HERC1: variants seen among roughly 807,000 people sequenced by gnomAD.
HERC1 encodes HECT and RLD domain containing E3 ubiquitin protein ligase family member 1.
Under a neutral mutation model 554.3 loss-of-function variants are expected in HERC1, and 160 were observed. The ratio of observed to expected loss-of-function variants is 0.29; its 90% confidence interval spans 0.25 to 0.33. The LOEUF (loss-of-function observed/expected upper bound fraction) is 0.33, where lower values mean the gene tolerates loss of function less well. Among genes scored for constraint, HERC1 ranks in the 10% least tolerant of loss-of-function variants. The pLI, the probability that HERC1 is intolerant of heterozygous loss-of-function variation, is 1.00. For missense variants in HERC1, 4,919 were observed against 5,918.5 expected, an observed-to-expected ratio of 0.83 and a Z score of 5.54; for synonymous variants, 2,175 against 2,131.7, an observed-to-expected ratio of 1.02 and a Z score of -0.56.
chr15:63,692,570 C>A lies in HERC1; in HGVS notation c.5675-4G>T. On this transcript the variant is annotated splice_polypyrimidine_tract_variant and splice_region_variant and intron_variant, in intron 30 of 77. Transcript: ENST00000443617. This position sits in a 1 kb window ranked among gnomAD's most constrained non-coding sequence, Gnocchi z 4.7. ...GCATGTTGTTTCCTAAGAGCAGCTA[C>A]AGTGAAGAGACAAGTTTACGTTACA... 6.3e-7 allele frequency: 1 copy of A among 1,599,278 alleles called. No homozygotes were observed. Among genetic ancestry groups the A allele is most frequent in the African/African-American group, 1.3e-5 (1 of 74,218 alleles).
At position 63,712,770 on chromosome 15, in the gene HERC1, C is replaced by G; in HGVS notation, c.4584+5G>C. ...TCTTTCTTTACTGAATCTGGGTATA[C>G]CTACCAGTGCGTAACCCTCTTCATC... On this transcript the variant is annotated splice_donor_5th_base_variant and intron_variant, in intron 24 of 77. Coordinates refer to ENST00000443617, the MANE Select transcript of HERC1 (RefSeq NM_003922.4). The G allele has an allele frequency of 6.2e-7, 1 of 1,613,034 alleles. No individual in the cohort carries two copies. Among genetic ancestry groups the G allele is most frequent in the South Asian group, 1.1e-5 (1 of 90,894 alleles).
chr15:63,811,035 AAG>A (rs751431404), intron 1 of HERC1, among the ~76,000 whole-genome samples: 1 of 152,236 alleles, frequency 6.6e-6, no homozygotes, highest in Non-Finnish European at 1.5e-5. Context: ...GGGAAAAAAA[AAG>A]GCTGGGGTTT....
At position 63,686,398 on chromosome 15, in the gene HERC1, C is replaced by T. The variant is rs375922313; in HGVS notation, c.6186G>A (p.Leu2062=). Residue 2062 remains leucine, a synonymous_variant, in exon 34 of 78, where the codon TTG becomes TTA. Transcript: ENST00000443617. ...THGSGGKGYG[L]ASTGVTSGCY... ...ACCCAGAAGTTACTCCTGTAGATGC[C>T]AATCCATATCCTTTCCCTCCACTGC... 5.0e-6 allele frequency: 8 copies of T among 1,613,196 alleles called. No individual in the cohort carries two copies. Among genetic ancestry groups the T allele is most frequent in the Non-Finnish European group, 6.8e-6 (8 of 1,179,642 alleles).
Position 63,709,545 on chromosome 15 carries a change from G to A in HERC1, c.4585-2714C>T, listed in dbSNP as rs1430125451. 7.9e-5 allele frequency among the ~76,000 whole-genome samples: 12 copies of A among 152,100 alleles called. No individual in the cohort carries two copies. In the East Asian group the frequency reaches 2.3e-3, roughly 29 times the overall value. ...CATTATTCTCCACTTCAAAGATAAA[G>A]AAACTGGAGCTCAGGAAGGTTAAAT... On this transcript the variant is annotated intron_variant, in intron 24 of 77. Transcript: ENST00000443617.
chr15:63,647,220 C>T (rs992017531), intron 55 of HERC1, among the ~76,000 whole-genome samples: 5 of 151,706 alleles, frequency 3.3e-5, no homozygotes, highest in Non-Finnish European at 4.4e-5. Flanking sequence ...CGCCACTGCA[C>T]TCCAGCCTGG....
At chr15:63,731,031 C>A (rs1014498185) in intron 14 of HERC1, among the ~76,000 whole-genome samples, 2 of 152,138 alleles carry the variant, frequency 1.3e-5, no homozygotes, top group African/African-American at 4.8e-5. Context: ...TATTGTACTG[C>A]ATATTCTATT....
intron 1 of HERC1, among the ~76,000 whole-genome samples, chr15:63,818,028 A>G (rs1372765634): frequency 6.6e-6 from 1 of 152,170 alleles, no homozygotes; most frequent in Non-Finnish European, 1.5e-5. Context: ...GAATACCATA[A>G]GGAATCATTT....
Position 63,673,909 on chromosome 15 carries a change from G to C in HERC1, c.7846+433C>G, listed in dbSNP as rs544277250. On this transcript the variant is annotated intron_variant, in intron 38 of 77. Transcript: ENST00000443617. ...CCGGTTAATTTTTGTATTTTTAGTA[G>C]AGACAGGGTTTCACCATGTTGGCCA... Among the ~76,000 whole-genome samples the C allele has an allele frequency of 2.6e-5, 4 of 152,282 alleles. No homozygotes were observed. In the South Asian group the frequency reaches 8.3e-4, roughly 32 times the overall value.
At position 63,690,647 on chromosome 15, in the gene HERC1, C is replaced by A. The variant is rs761222484; in HGVS notation, c.5831G>T (p.Gly1944Val). ...LNIASQKCSS[G>V]IPLVGNLRTR... is the part of the protein sequence containing the mutation. ...TCTTAAGTTACCAACCAGAGGGATA[C>A]CTGGAGGGGAAAAGACCTTTTCTTA... The change falls in exon 32 of 78, where the codon GGT becomes GTT. Residue 1944 changes from glycine to valine, a missense_variant and splice_region_variant. Around this residue, in one of 11 missense-constraint regions of HERC1, gnomAD observed 1,121 missense variants for 1,244.0 expected, o/e 0.90. Coordinates refer to ENST00000443617, the MANE Select transcript of HERC1 (RefSeq NM_003922.4). 6.4e-7 allele frequency: 1 copy of A among 1,560,688 alleles called. No individual in the cohort carries two copies. Among genetic ancestry groups the A allele is most frequent in the Non-Finnish European group, 8.8e-7 (1 of 1,136,648 alleles).
At chr15:63,693,332 CT>C (rs1411878653) in intron 30 of HERC1, among the ~76,000 whole-genome samples, 4 of 151,554 alleles carry the variant, frequency 2.6e-5, no homozygotes, top group South Asian at 4.2e-4. Flanking sequence ...CAATCTCCAC[CT>C]CCCGGGTTCA....
intron 33 of HERC1, among the ~76,000 whole-genome samples, chr15:63,689,379 C>G (rs913796754): frequency 2.6e-5 from 4 of 151,786 alleles, no homozygotes; most frequent in Non-Finnish European, 5.9e-5. Flanking sequence ...GAAGACTTCA[C>G]AGATAAAAAT....
intron 12 of HERC1, among the ~76,000 whole-genome samples, chr15:63,744,154 G>GTGTGTGTGTGTGTGTGTC (rs1567077976): frequency 1.7e-4 from 7 of 42,094 alleles, no homozygotes; most frequent in Non-Finnish European, 4.4e-4. Flanking sequence ...GTGTGTGTGT[G>GTGTGTGTGTGTGTGTGTC]TGTGTGTGTG....
At position 63,677,701 on chromosome 15, in the gene HERC1, TAGAAAC is replaced by T; in HGVS notation, c.7070+138_7070+143del. ...GAAATTCTCCTTTAAGAAATTACAGTAGAAACATCTAGCTGCATGAGAAATATTTTT... is the reference window on the plus strand; with the variant it reads ...GAAATTCTCCTTTAAGAAATTACAGTATCTAGCTGCATGAGAAATATTTTT... On this transcript the variant is annotated intron_variant, in intron 37 of 77. Coordinates refer to ENST00000443617, the MANE Select transcript of HERC1 (RefSeq NM_003922.4). This position sits in a 1 kb window ranked among gnomAD's most constrained non-coding sequence, Gnocchi z 4.4. The T allele has an allele frequency of 7.3e-7, 1 of 1,363,094 alleles. No homozygotes were observed. Among genetic ancestry groups the T allele is most frequent in the Non-Finnish European group, 9.8e-7 (1 of 1,017,580 alleles). The allele number at this position is 1,363,094 out of a possible 1,614,324, so 84.4% of individuals were successfully genotyped here.
chr15:63,760,853 G>C (rs2075587886), intron 3 of HERC1, among the ~76,000 whole-genome samples: 1 of 151,862 alleles, frequency 6.6e-6, no homozygotes, highest in Admixed American at 6.6e-5. Flanking sequence ...TATCAACCCA[G>C]AATGAATAAT....
chr15:63,666,973 G>A (rs1400843728), intron 40 of HERC1, among the ~76,000 whole-genome samples: 1 of 152,056 alleles, frequency 6.6e-6, no homozygotes, highest in African/African-American at 2.4e-5. Context: ...GCTTTTGGTC[G>A]GTGATTTCCC....
chr15:63,680,711 T>C lies in HERC1; in HGVS notation c.6291A>G (p.Val2097=). The change falls in exon 35 of 78, where the codon GTA becomes GTG. Residue 2097 remains valine (V), a synonymous_variant. Transcript: ENST00000443617. This position sits in a 1 kb window ranked among gnomAD's most constrained non-coding sequence, Gnocchi z 5.8. ...AGGTAGTGCGGTGATTAAAGTCATG[T>C]ACTGGCCAGCGAGAAACTCCAACAC... ...GTCVGVSRWP[V]HDFNHRTTSD... The C allele has an allele frequency of 6.2e-7, 1 of 1,613,606 alleles. No individual in the cohort carries two copies. The highest frequency in any genetic ancestry group is 8.5e-7 in the Non-Finnish European group (1 of 1,179,506).
chr15:63,831,874 G>C (rs1420908100), intron 1 of HERC1, among the ~76,000 whole-genome samples: 1 of 152,120 alleles, frequency 6.6e-6, no homozygotes, highest in Admixed American at 6.6e-5. Context: ...TCTCTTCCAT[G>C]CAACATCAGG....
At chr15:63,681,675 T>C (rs1350170519) in intron 34 of HERC1, among the ~76,000 whole-genome samples, 1 of 152,162 alleles carries the variant, frequency 6.6e-6, no homozygotes, top group Non-Finnish European at 1.5e-5. Flanking sequence ...GCTGAATACC[T>C]GCTCTCCTTC....
In HERC1 at chr15:63,643,031, T is replaced by A. The variant is rs1162844755; in HGVS notation, c.11359A>T (p.Ile3787Leu). 23 of 1,612,518 alleles carry A rather than the reference T, an allele frequency of 1.4e-5. No individual in the cohort carries two copies. Among genetic ancestry groups the A allele is most frequent in the Non-Finnish European group, 2.0e-5 (23 of 1,179,004 alleles). Residue 3787 changes from isoleucine to leucine, a missense_variant, in exon 59 of 78, where the codon ATA becomes TTA. By Grantham distance (5) the Ile-to-Leu change is conservative (BLOSUM62 2). Coordinates refer to ENST00000443617, the MANE Select transcript of HERC1 (RefSeq NM_003922.4). Reference protein sequence around the residue: ...RDGSVLQTVVIGSGAIQTTVW... With the variant: ...RDGSVLQTVVLGSGAIQTTVW... ...GTGGTCTGAATAGCTCCAGAGCCTA[T>A]CACAACAGTTTGCAAGACAGAGCCA...
Sources: gnomAD v4.1 joint callset for allele counts (sites outside exome capture counted in the v4.1 genomes callset) on GRCh38, gnomAD v4.1.1 for gene constraint, gnomAD v4.1.1 regional missense constraint, Gnocchi (gnomAD v3.1) non-coding constraint, MANE v1.5 for transcripts, NCBI Gene and HGNC (gene_info 2026-07-23, HGNC 2026-07-21) for gene names.